PDE4B: variants seen among roughly 807,000 people sequenced by gnomAD.
PDE4B encodes phosphodiesterase 4B, also known as 3',5'-cyclic-AMP phosphodiesterase 4B.
Under a neutral mutation model 82.2 loss-of-function variants are expected in PDE4B, and 20 were observed. The ratio of observed to expected loss-of-function variants is 0.24; its 90% CI spans 0.17 to 0.35. The LOEUF (loss-of-function observed/expected upper bound fraction) is 0.35. Among genes scored for constraint, PDE4B ranks in the 10% least tolerant of loss-of-function variants. The pLI is 1.00. For synonymous variants in PDE4B, 320 were observed against 318.9 expected (o/e 1.00, Z -0.04); for missense variants, 655 against 907.2 (o/e 0.72, Z 3.57).
chr1:66,113,822 T>A (rs1388823828), intron 3 of PDE4B, among the ~76,000 whole-genome samples: 1 of 152,194 alleles, frequency 6.6e-6, no homozygotes, highest in Non-Finnish European at 1.5e-5. Context: ...AAATTATGTA[T>A]CAAATATATT....
At chr1:65,882,344 A>G (rs556062324) in intron 1 of PDE4B, among the ~76,000 whole-genome samples, 37 of 152,352 alleles carry the variant, frequency 2.4e-4, no homozygotes, top group Admixed American at 1.4e-3. Context: ...TTTCAGAAAC[A>G]TGTTTATTGA....
At chr1:65,856,578 C>T (rs1646395387) in intron 1 of PDE4B, among the ~76,000 whole-genome samples, 1 of 152,130 alleles carries the variant, frequency 6.6e-6, no homozygotes, top group Admixed American at 6.5e-5. Context: ...TCCAGTCTAT[C>T]ACTGGTGGGC....
At chr1:65,809,260 G>A (rs1570958200) in intron 1 of PDE4B, among the ~76,000 whole-genome samples, 1 of 144,688 alleles carries the variant, frequency 6.9e-6, no homozygotes, top group African/African-American at 2.5e-5. Flanking sequence ...GAACCTGGGA[G>A]GCAGAGGTTG....
Position 65,845,323 on chromosome 1 carries a change from C to T in PDE4B, c.-71+52075C>T, listed in dbSNP as rs1453612485. ...TTATTTTTCCAATCTAAATTTTTAG[C>T]CCTGCTCTGTGGATCATTTTCTAGC... On this transcript the variant is annotated intron_variant, in intron 1 of 16. Coordinates refer to ENST00000341517, the MANE Select transcript of PDE4B (RefSeq NM_002600.4). 6.6e-5 allele frequency among the ~76,000 whole-genome samples: 10 copies of T among 152,254 alleles called. No individual in the cohort carries two copies. The South Asian group carries it at 1.9e-3, about 28-fold the overall frequency.
intron 3 of PDE4B, among the ~76,000 whole-genome samples, chr1:66,188,859 GA>G (rs1268473892): frequency 2.6e-5 from 4 of 152,178 alleles, no homozygotes; most frequent in Non-Finnish European, 5.9e-5. Context: ...TGTTATGTGT[GA>G]ATTTGATCCT....
intron 7 of PDE4B, among the ~76,000 whole-genome samples, chr1:66,299,072 T>C (rs778248876): frequency 6.6e-6 from 1 of 152,172 alleles, no homozygotes; most frequent in Non-Finnish European, 1.5e-5. Context: ...CATTTCTTTG[T>C]GTTGGGAACA....
At chr1:65,902,761 A>C (rs1646985691) in intron 1 of PDE4B, among the ~76,000 whole-genome samples, 1 of 152,228 alleles carries the variant, frequency 6.6e-6, no homozygotes, top group Non-Finnish European at 1.5e-5. Context: ...GCCCAAGTAC[A>C]TGACTATATG....
intron 3 of PDE4B, among the ~76,000 whole-genome samples, chr1:65,929,223 C>A (rs1304382614): frequency 6.6e-6 from 1 of 152,134 alleles, no homozygotes; most frequent in African/African-American, 2.4e-5. Context: ...TCACTGTTGC[C>A]TCAGGCGGCA....
chr1:65,983,184 C>G (rs574501103), intron 3 of PDE4B, among the ~76,000 whole-genome samples: 23 of 152,302 alleles, frequency 1.5e-4, no homozygotes, highest in Non-Finnish European at 2.4e-4. Flanking sequence ...AATCAGATAA[C>G]TCATTGTCTG....
At chr1:66,240,544 A>G (rs892329240) in intron 3 of PDE4B, among the ~76,000 whole-genome samples, 1 of 152,182 alleles carries the variant, frequency 6.6e-6, no homozygotes, top group Non-Finnish European at 1.5e-5. Flanking sequence ...CTAAAGAAAC[A>G]TTATTCCCTT....
rs905736854 is a variant in PDE4B, at chr1:66,025,716, C to T, written c.281+106881C>T. Among the ~76,000 whole-genome samples, 3 of 152,154 alleles carry T rather than the reference C, an allele frequency of 2.0e-5. No individual in the cohort carries two copies. In the East Asian group the frequency reaches 5.8e-4, roughly 29 times the overall value. On this transcript the variant is annotated intron_variant, in intron 3 of 16. Transcript: ENST00000341517. ...CCAGGCCCCCAACTTTAAACTTAAC[C>T]CCTGTTCCCCATTTCATGACTAATT... is the stretch of plus-strand genomic sequence containing the variant.
chr1:65,807,129 C>T (rs922210721), intron 1 of PDE4B, among the ~76,000 whole-genome samples: 2 of 152,134 alleles, frequency 1.3e-5, no homozygotes, highest in African/African-American at 4.8e-5. Context: ...GAAAACTCAC[C>T]TGACCTGGGA....
intron 3 of PDE4B, among the ~76,000 whole-genome samples, chr1:66,022,770 T>G (rs1046174400): frequency 6.6e-6 from 1 of 152,128 alleles, no homozygotes; most frequent in Non-Finnish European, 1.5e-5. Flanking sequence ...AAAATTCTCT[T>G]TTTTTTGTTG....
chr1:65,999,052 ATACT>A (rs1235662575), intron 3 of PDE4B, among the ~76,000 whole-genome samples: 2 of 152,164 alleles, frequency 1.3e-5, no homozygotes, highest in East Asian at 1.9e-4. Context: ...GATTTTTAAA[ATACT>A]TACAGTAAAA....
chr1:66,189,647 C>T (rs940699159), intron 3 of PDE4B, among the ~76,000 whole-genome samples: 10 of 152,202 alleles, frequency 6.6e-5, no homozygotes, highest in Non-Finnish European at 1.2e-4. Context: ...CTTGTGCATT[C>T]GTCACGTAGT....
intron 3 of PDE4B, among the ~76,000 whole-genome samples, chr1:66,105,384 G>C (rs951049274): frequency 9.2e-5 from 14 of 151,938 alleles, no homozygotes; most frequent in African/African-American, 2.9e-4. Context: ...GATGCCTCCA[G>C]CTTTGTTCTT....
intron 3 of PDE4B, among the ~76,000 whole-genome samples, chr1:65,988,904 T>C (rs951660833): frequency 2.0e-5 from 3 of 152,174 alleles, no homozygotes; most frequent in African/African-American, 7.2e-5. Context: ...AAAAAGTATG[T>C]AATTATTTTC....
At chr1:65,949,874 CTG>C (rs939747966) in intron 3 of PDE4B, among the ~76,000 whole-genome samples, 11 of 152,076 alleles carry the variant, frequency 7.2e-5, no homozygotes, top group African/African-American at 2.6e-4. Flanking sequence ...AGATTCTTAA[CTG>C]TGTCGATACA....
At chr1:66,171,908 C>A (rs1284740389) in intron 3 of PDE4B, among the ~76,000 whole-genome samples, 1 of 152,106 alleles carries the variant, frequency 6.6e-6, no homozygotes, top group East Asian at 1.9e-4. Flanking sequence ...TAGCGCAGGA[C>A]CTTGTCCAAA....
Sources: allele counts gnomAD v4.1 joint callset (sites outside exome capture counted in the v4.1 genomes callset), GRCh38; gene constraint gnomAD v4.1.1; transcripts MANE v1.5; gene names NCBI Gene and HGNC (gene_info 2026-07-23, HGNC 2026-07-21).